ZNF268: variants seen among roughly 807,000 people sequenced by gnomAD.
ZNF268 encodes zinc finger protein 268.
In ZNF268, 20 loss-of-function variants were observed where a neutral mutation model predicts 29.3. The ratio of observed to expected loss-of-function variants is 0.68; its 90% CI spans 0.48 to 0.99. The LOEUF (loss-of-function observed/expected upper bound fraction) is 0.99, where lower values mean the gene tolerates loss of function less well. Ranked by LOEUF, ZNF268 falls within the 50% of genes least tolerant of loss-of-function variation. The pLI is 0.00. For synonymous variants in ZNF268, 429 were observed against 376.9 expected (o/e 1.14, Z -1.60); for missense variants, 1,240 against 1,121.6 (o/e 1.11, Z -1.51).
In ZNF268 at chr12:133,212,102, A is replaced by C. The variant is rs1479365507; in HGVS notation, c.*7572A>C. The C allele has an allele frequency of 1.3e-5, 2 of 152,212 alleles. No homozygotes were observed. The highest frequency in any genetic ancestry group is 1.3e-4 in the Admixed American group (2 of 15,276). The allele number at this position is 152,212 out of a possible 1,614,324, so 9.4% of individuals were successfully genotyped here. A position where few individuals can be genotyped will look rare whatever the true frequency, so the allele number is the denominator to read the frequency against. ...ATCTGATAGGCATATTGCTAAGTGA[A>C]AGAGACCAGTGTGAAAAGGCTGTAT... On this transcript the variant is annotated 3_prime_UTR_variant, in exon 6 of 6. Transcript: ENST00000536435.
rs1389218353 is a variant in ZNF268 at position 133,206,518 on chromosome 12, C to G, written c.*1988C>G. The G allele has an allele frequency of 6.6e-6, 1 of 152,118 alleles. No homozygotes were observed. Among genetic ancestry groups the G allele is most frequent in the Non-Finnish European group, 1.5e-5 (1 of 68,030 alleles). The allele number at this position is 152,118 out of a possible 1,614,324, so 9.4% of individuals were successfully genotyped here. On this transcript the variant is annotated 3_prime_UTR_variant, in exon 6 of 6. Transcript: ENST00000536435. The stretch of plus-strand genomic sequence containing the variant: ...TCACAAAGTTAGTTTTCTTCACTAC[C>G]TCATCAGGTTTGTTATGTGAGTGGG...
rs551775254 is a variant in ZNF268, at chr12:133,199,981, C to T, written c.458-2163C>T. ...TGTTGATCCTTTCAAAAAACCAGCT[C>T]CTGGATTCATTAATTTTTTTGAAGG... is the stretch of plus-strand genomic sequence containing the variant. On this transcript the variant is annotated intron_variant, in intron 5 of 5. Coordinates refer to ENST00000536435, the MANE Select transcript of ZNF268 (RefSeq NM_003415.3). Among the ~76,000 whole-genome samples, 87 of 152,256 alleles carry T rather than the reference C, an allele frequency of 5.7e-4. 1 individual carries two copies. The highest frequency in any genetic ancestry group is 1.1e-3 in the Non-Finnish European group (77 of 68,038).
chr12:133,200,970 C>T (rs1222440645), intron 5 of ZNF268, among the ~76,000 whole-genome samples: 1 of 152,064 alleles, frequency 6.6e-6, no homozygotes, highest in African/African-American at 2.4e-5. Context: ...GTTCCCATGC[C>T]TCCATCATTC....
At position 133,204,120 on chromosome 12, in the gene ZNF268, G is replaced by C. The variant is rs1956836095; in HGVS notation, c.2434G>C (p.Glu812Gln). 6.5e-7 allele frequency: 1 copy of C among 1,544,998 alleles called. No homozygotes were observed. Among genetic ancestry groups the C allele is most frequent in the African/African-American group, 1.4e-5 (1 of 73,040 alleles). The part of the protein sequence containing the change: ...HSGEKPYECN[E>Q]CGKAFIWKSL... ...AGGTGAAAAACCATATGAATGTAAT[G>C]AATGTGGGAAAGCCTTCATTTGGAA... is the stretch of plus-strand genomic sequence containing the variant. Residue 812 changes from glutamate to glutamine, a missense_variant, in exon 6 of 6, where the codon GAA (glutamate) becomes CAA (glutamine). Coordinates refer to ENST00000536435, the MANE Select transcript of ZNF268 (RefSeq NM_003415.3).
chr12:133,192,070 C>A, intron 5 of ZNF268, 67 bp downstream of exon 5: 2 of 1,340,332 alleles, frequency 1.5e-6, no homozygotes, highest in South Asian at 1.3e-5. Flanking sequence ...GTGATGTGCT[C>A]CTCTTGTTTG....
intron 1 of ZNF268, 89 bp from the exon 2 acceptor site, chr12:133,181,857 T>C: frequency 2.5e-6 from 2 of 798,924 alleles, no homozygotes; most frequent in East Asian, 2.7e-5. Context: ...GCTCCGAGAA[T>C]GGCAGGCAGC....
intron 1 of ZNF268, 29 bp from the exon 2 acceptor site, chr12:133,181,917 C>T (rs1383650558): frequency 4.7e-6 from 7 of 1,490,912 alleles, no homozygotes; most frequent in Non-Finnish European, 6.4e-6. Flanking sequence ...GCTGGGTGAC[C>T]TCTTTCTTCA....
chr12:133,212,701 C>G lies in ZNF268; in HGVS notation c.*8171C>G, dbSNP rs561420989. On this transcript the variant is annotated 3_prime_UTR_variant, in exon 6 of 6. Coordinates refer to ENST00000536435, the MANE Select transcript of ZNF268 (RefSeq NM_003415.3). ...GCAGTGCACAAGGCTTCCAATTTCT[C>G]CACATACTTGCCAATATTAATTAGT... The G allele has an allele frequency of 2.0e-5, 3 of 152,052 alleles. No individual in the cohort carries two copies. The East Asian group carries it at 5.8e-4, about 29-fold the overall frequency. The allele number at this position is 152,052 out of a possible 1,614,324, so 9.4% of individuals were successfully genotyped here. A position where few individuals can be genotyped will look rare whatever the true frequency, so the allele number is the denominator to read the frequency against.
chr12:133,208,045 G>T lies in ZNF268; in HGVS notation c.*3515G>T, dbSNP rs1461926171. On this transcript the variant is annotated 3_prime_UTR_variant, in exon 6 of 6. Transcript: ENST00000536435. ...ATACTTAATGATAAAATAGTAGAAA[G>T]ATTCCTTTAAAGTAAAATTAGCCAG... 2 of 152,088 alleles carry T rather than the reference G, an allele frequency of 1.3e-5. No homozygotes were observed. Among genetic ancestry groups the T allele is most frequent in the Non-Finnish European group, 2.9e-5 (2 of 68,014 alleles). 9.4% of individuals were successfully genotyped at this position (152,088 alleles called of 1,614,324 possible). A position where few individuals can be genotyped will look rare whatever the true frequency, so the allele number is the denominator to read the frequency against.
chr12:133,181,803 T>G (rs1593861779), intron 1 of ZNF268, 117 bp downstream of exon 1: 1 of 619,144 alleles, frequency 1.6e-6, no homozygotes. Flanking sequence ...TTGGTGAGGG[T>G]GTGGAGATGG....
intron 3 of ZNF268, 109 bp downstream of exon 3, chr12:133,188,181 C>T: frequency 2.0e-6 from 2 of 1,020,770 alleles, no homozygotes; most frequent in Non-Finnish European, 2.8e-6. Context: ...AATCACTCCT[C>T]AGTTCAGTTC....
intron 3 of ZNF268, among the ~76,000 whole-genome samples, chr12:133,188,428 C>G (rs1035029147): frequency 6.6e-6 from 1 of 152,124 alleles, no homozygotes; most frequent in African/African-American, 2.4e-5. Context: ...AACTCCTAAG[C>G]TCAAGCAGTC....
At chr12:133,183,316 TTAAG>T (rs1206681305) in intron 2 of ZNF268, among the ~76,000 whole-genome samples, 1 of 151,996 alleles carries the variant, frequency 6.6e-6, no homozygotes, top group Non-Finnish European at 1.5e-5. Context: ...ATATAAGGGT[TTAAG>T]TAAATTAGTG....
rs1338812683 is a variant in ZNF268, at chr12:133,212,546, C to CATATACACATAT, written c.*8034_*8045dup. The CATATACACATAT allele has an allele frequency of 6.8e-6, 1 of 146,264 alleles. No homozygotes were observed. Among genetic ancestry groups the CATATACACATAT allele is most frequent in the Non-Finnish European group, 1.5e-5 (1 of 66,684 alleles). 9.1% of individuals were successfully genotyped at this position (146,264 alleles called of 1,614,324 possible). ...ACACATATATACACATATATATACACATATACACATATATATACACATATA... is the reference window on the plus strand; with the variant it reads ...ACACATATATACACATATATATACACATATACACATATATATACACATATATATACACATATA... On this transcript the variant is annotated 3_prime_UTR_variant, in exon 6 of 6. Coordinates refer to ENST00000536435, the MANE Select transcript of ZNF268 (RefSeq NM_003415.3).
intron 3 of ZNF268, among the ~76,000 whole-genome samples, chr12:133,190,327 T>A (rs79400886): frequency 0.054 from 8,149 of 152,266 alleles, 713 homozygotes; most frequent in African/African-American, 0.19. Flanking sequence ...TGGGGCATAG[T>A]TGCTGGATTA....
chr12:133,185,012 C>T (rs754048503), intron 2 of ZNF268, among the ~76,000 whole-genome samples: 1 of 151,790 alleles, frequency 6.6e-6, no homozygotes, highest in African/African-American at 2.4e-5. Context: ...GGCGAAACCT[C>T]GTCTCTACTA....
At position 133,211,900 on chromosome 12, in the gene ZNF268, G is replaced by T. The variant is rs1436689549; in HGVS notation, c.*7370G>T. 1.3e-5 allele frequency: 2 copies of T among 152,176 alleles called. No homozygotes were observed. The highest frequency in any genetic ancestry group is 2.4e-5 in the African/African-American group (1 of 41,440). 9.4% of individuals were successfully genotyped at this position (152,176 alleles called of 1,614,324 possible). A position where few individuals can be genotyped will look rare whatever the true frequency, so the allele number is the denominator to read the frequency against. On this transcript the variant is annotated 3_prime_UTR_variant, in exon 6 of 6. Transcript: ENST00000536435. ...AACTGCTTTGAAAACATAGGAGTTT[G>T]ATCTAAACAAAACCCAGCATGTACT...
chr12:133,188,945 T>G (rs181861461), intron 3 of ZNF268, among the ~76,000 whole-genome samples: 2 of 152,170 alleles, frequency 1.3e-5, no homozygotes, highest in African/African-American at 4.8e-5. Context: ...CTAATGATTT[T>G]TGTGTCCTAT....
At position 133,204,841 on chromosome 12, in the gene ZNF268, AAAT is replaced by A. The variant is rs1015122726; in HGVS notation, c.*314_*316del. ...TAAACGTTGTAAAGTCATTTTACTA[AAAT>A]AAGATTCACAAAGAGGAAACTTCAT... On this transcript the variant is annotated 3_prime_UTR_variant, in exon 6 of 6. Transcript: ENST00000536435. The A allele has an allele frequency of 1.1e-4, 29 of 254,504 alleles. No individual in the cohort carries two copies. Among genetic ancestry groups the A allele is most frequent in the Middle Eastern group, 1.2e-3 (1 of 842 alleles). 15.8% of individuals were successfully genotyped at this position (254,504 alleles called of 1,614,324 possible). A position where few individuals can be genotyped will look rare whatever the true frequency, so the allele number is the denominator to read the frequency against.
Sources: allele counts gnomAD v4.1 joint callset (sites outside exome capture counted in the v4.1 genomes callset), GRCh38; gene constraint gnomAD v4.1.1; transcripts MANE v1.5; gene names NCBI Gene and HGNC (gene_info 2026-07-23, HGNC 2026-07-21).